RHOU: variants seen among roughly 807,000 people sequenced by gnomAD.
RHOU encodes the protein rho-related GTP-binding protein RhoU.
In RHOU, 8 loss-of-function variants were observed where a neutral mutation model predicts 12.6. The observed-to-expected ratio is 0.64, with a 90% CI of 0.37 to 1.15. The LOEUF (loss-of-function observed/expected upper bound fraction) is 1.15, where lower values mean the gene tolerates loss of function less well. Among genes scored for constraint, RHOU ranks in the 50% most tolerant of loss-of-function variants. The pLI is 0.01. For synonymous variants in RHOU, 161 were observed against 147.4 expected, an observed-to-expected ratio of 1.09 and a Z score of -0.67; for missense variants, 258 against 347.0, an observed-to-expected ratio of 0.74 and a Z score of 2.04.
the RHOU span, among the ~76,000 whole-genome samples, chr1:228,653,976 A>G: frequency 1.3e-5 from 2 of 152,146 alleles, no homozygotes; most frequent in South Asian, 2.1e-4. Context: ...AGCCCTGTGC[A>G]TTGTTTTTGA....
At position 228,735,846 on chromosome 1, in the gene RHOU, A is replaced by T; in HGVS notation, c.104A>T (p.Glu35Val). 1 of 1,304,154 alleles carries T rather than the reference A, an allele frequency of 7.7e-7. No individual in the cohort carries two copies. The allele number at this position is 1,304,154 out of a possible 1,614,324, so 80.8% of individuals were successfully genotyped here. ...RGGRGGRGPGEPGGRGRAGGA... is the reference protein window; with the variant it reads ...RGGRGGRGPGVPGGRGRAGGA... ...GGACGCGGGGGACGCGGGCCTGGGG[A>T]GCCGGGGGGCCGGGGGCGTGCGGGG... Residue 35 changes from glutamate (E) to valine (V), a missense_variant, in exon 1 of 3, where the codon GAG becomes GTG. By Grantham distance (121) the Glu-to-Val change is moderately radical. Coordinates refer to ENST00000366691, the MANE Select transcript of RHOU (RefSeq NM_021205.6). This position sits in a 1 kb window ranked among gnomAD's most constrained non-coding sequence, Gnocchi z 8.1.
chr1:228,743,437 A>C lies in RHOU; in HGVS notation c.474A>C (p.Leu158=). The C allele has an allele frequency of 1.2e-6, 2 of 1,614,134 alleles. No homozygotes were observed. The highest frequency in any genetic ancestry group is 1.7e-6 in the Non-Finnish European group (2 of 1,180,028). Residue 158 remains leucine, a synonymous_variant, in exon 3 of 3, where the codon CTA becomes CTC. Transcript: ENST00000366691. The surrounding 1 kb of genome is among the most constrained non-coding windows in gnomAD (Gnocchi z 5.1). ...RCHCPKAPII[L]VGTQSDLRED... is the part of the protein sequence containing the mutation. Reference sequence around the variant, plus strand: ...ACTGTCCCAAAGCCCCCATCATCCTAGTTGGAACGCAGTCGGATCTCAGAG... The same window carrying C: ...ACTGTCCCAAAGCCCCCATCATCCTCGTTGGAACGCAGTCGGATCTCAGAG...
the RHOU span, among the ~76,000 whole-genome samples, chr1:228,708,693 G>A: frequency 2.6e-5 from 4 of 151,344 alleles, no homozygotes; most frequent in Non-Finnish European, 4.4e-5. Context: ...GGTACCAGCC[G>A]CTGCAAAATC....
chr1:228,651,242 A>T, the RHOU span: 1 of 205,996 alleles, frequency 4.9e-6, no homozygotes. Flanking sequence ...TTCATTGATA[A>T]GCCATTTGCA....
chr1:228,734,321 C>G (rs1300850095), upstream of RHOU, among the ~76,000 whole-genome samples: 1 of 152,142 alleles, frequency 6.6e-6, no homozygotes, highest in Non-Finnish European at 1.5e-5. Flanking sequence ...AAATCCATCT[C>G]TGCATTCTGA....
the RHOU span, among the ~76,000 whole-genome samples, chr1:228,664,090 C>T: frequency 1.5e-4 from 23 of 150,576 alleles, no homozygotes; most frequent in Non-Finnish European, 2.7e-4. Context: ...ACTATCACGG[C>T]TCACTGCAGT....
intron 2 of RHOU, among the ~76,000 whole-genome samples, chr1:228,742,160 A>C (rs933994338): frequency 6.6e-6 from 1 of 152,248 alleles, no homozygotes. Flanking sequence ...ACAGATATAC[A>C]TTTTACATAG....
the RHOU span, among the ~76,000 whole-genome samples, chr1:228,710,101 C>G: frequency 6.6e-6 from 1 of 152,182 alleles, no homozygotes; most frequent in African/African-American, 2.4e-5. Flanking sequence ...TCTCCCAGGA[C>G]TAAACCAGGA....
At chr1:228,728,421 A>T in the RHOU span, among the ~76,000 whole-genome samples, 1 of 152,242 alleles carries the variant, frequency 6.6e-6, no homozygotes, top group Admixed American at 6.5e-5. Context: ...ATAAATAGCC[A>T]TGGTGGAAGA....
intron 2 of RHOU, among the ~76,000 whole-genome samples, chr1:228,739,151 A>G (rs571456309): frequency 6.6e-6 from 1 of 152,276 alleles, no homozygotes; most frequent in South Asian, 2.1e-4. Context: ...AAATCAAAGA[A>G]TACAGTCACT....
chr1:228,699,085 G>T, the RHOU span, among the ~76,000 whole-genome samples: 4 of 142,680 alleles, frequency 2.8e-5, no homozygotes, highest in African/African-American at 8.0e-5. Context: ...GCTATGAAAA[G>T]TTTTTTTTTT....
chr1:228,719,762 A>G, the RHOU span, among the ~76,000 whole-genome samples: 1 of 152,018 alleles, frequency 6.6e-6, no homozygotes, highest in Non-Finnish European at 1.5e-5. Context: ...AGCAAACAAC[A>G]ACAACAAAAA....
At chr1:228,741,663 T>C (rs1221136858) in intron 2 of RHOU, among the ~76,000 whole-genome samples, 2 of 152,216 alleles carry the variant, frequency 1.3e-5, no homozygotes, top group Non-Finnish European at 2.9e-5. Flanking sequence ...ACTTAAGTCA[T>C]TATTTTTCTT....
the RHOU span, among the ~76,000 whole-genome samples, chr1:228,673,010 G>A: frequency 6.6e-6 from 1 of 152,132 alleles, no homozygotes; most frequent in South Asian, 2.1e-4. Flanking sequence ...TAAATGGCTA[G>A]GGTAGTCTCA....
the RHOU span, among the ~76,000 whole-genome samples, chr1:228,690,197 G>A: frequency 6.6e-5 from 10 of 152,084 alleles, no homozygotes; most frequent in East Asian, 9.6e-4. Flanking sequence ...TTGTTTTTTA[G>A]AGCAGGAGTG....
At chr1:228,679,559 T>G in the RHOU span, among the ~76,000 whole-genome samples, 1 of 152,046 alleles carries the variant, frequency 6.6e-6, no homozygotes, top group Admixed American at 6.6e-5. Context: ...GACAATTTTG[T>G]TGATAAGGCG....
At chr1:228,646,793 C>T in the RHOU span, among the ~76,000 whole-genome samples, 6 of 151,942 alleles carry the variant, frequency 3.9e-5, no homozygotes, top group Admixed American at 2.0e-4. Flanking sequence ...AGCACGGGTG[C>T]GCAGACGCAC....
At chr1:228,697,041 A>C in the RHOU span, among the ~76,000 whole-genome samples, 1 of 152,188 alleles carries the variant, frequency 6.6e-6, no homozygotes, top group Non-Finnish European at 1.5e-5. Flanking sequence ...ATCTGACTAG[A>C]TGGTTTGATG....
At chr1:228,729,648 T>C in the RHOU span, among the ~76,000 whole-genome samples, 1 of 152,224 alleles carries the variant, frequency 6.6e-6, no homozygotes, top group Non-Finnish European at 1.5e-5. Context: ...GAATTTTGCA[T>C]GACCAAAAAA....
Sources: allele counts gnomAD v4.1 joint callset (sites outside exome capture counted in the v4.1 genomes callset), GRCh38; gene constraint gnomAD v4.1.1; non-coding constraint Gnocchi (gnomAD v3.1); transcripts MANE v1.5; gene names NCBI Gene and HGNC (gene_info 2026-07-23, HGNC 2026-07-21).